Variants in GSDMC observed in about 807,000 individuals in gnomAD.
GSDMC encodes gasdermin C.
GSDMC carries 59 observed loss-of-function variants against 58.0 expected under a neutral mutation model. The ratio of observed to expected loss-of-function variants is 1.02; its 90% CI spans 0.82 to 1.26. The LOEUF is 1.26. Among genes scored for constraint, GSDMC ranks in the 50% most tolerant of loss-of-function variants. The pLI, the probability that GSDMC is intolerant of heterozygous loss-of-function variation, is 0.00. For missense variants in GSDMC, 659 were observed against 598.5 expected, an observed-to-expected ratio of 1.10 and a Z score of -1.06; for synonymous variants, 241 against 220.2, an observed-to-expected ratio of 1.09 and a Z score of -0.83.
At chr8:129,733,981 AT>A in the GSDMC span, among the ~76,000 whole-genome samples, 1 of 152,230 alleles carries the variant, frequency 6.6e-6, no homozygotes, top group African/African-American at 2.4e-5. Flanking sequence ...AACACCTTAA[AT>A]GACCTGATGG....
chr8:129,747,593 G>A (rs909914408), downstream of GSDMC, among the ~76,000 whole-genome samples: 1 of 152,146 alleles, frequency 6.6e-6, no homozygotes, highest in African/African-American at 2.4e-5. Flanking sequence ...ATGACAGGGA[G>A]CATCTAAAGG....
chr8:129,760,211 GGGT>G (rs1197184749), intron 6 of GSDMC, among the ~76,000 whole-genome samples: 3 of 152,144 alleles, frequency 2.0e-5, no homozygotes, highest in African/African-American at 7.2e-5. Flanking sequence ...AGACTGGGAA[GGGT>G]GGTGGGGGGT....
the GSDMC span, among the ~76,000 whole-genome samples, chr8:129,721,515 T>C: frequency 6.6e-6 from 1 of 152,236 alleles, no homozygotes; most frequent in Non-Finnish European, 1.5e-5. Context: ...TGTTAAAGAC[T>C]TGATACTGCT....
rs779208594 is a variant in GSDMC, at chr8:129,760,599, AAAG to A, written c.677-13_677-11del. The A allele has an allele frequency of 5.3e-5, 83 of 1,570,874 alleles. No individual in the cohort carries two copies. In the Middle Eastern group the frequency reaches 6.7e-4, roughly 13 times the overall value. On this transcript the variant is annotated splice_polypyrimidine_tract_variant and intron_variant, in intron 5 of 13. Transcript: ENST00000276708. ...TCTGAGATGAGAATGGCTGAATGGA[AAAG>A]AAGAACTTCCATTAGGAGAGTTGAG...
chr8:129,770,090 A>G (rs1443372636), intron 3 of GSDMC, among the ~76,000 whole-genome samples: 1 of 152,244 alleles, frequency 6.6e-6, no homozygotes, highest in African/African-American at 2.4e-5. Flanking sequence ...ATAATTTCTT[A>G]TTAGATATAC....
At chr8:129,770,981 C>T in intron 3 of GSDMC, among the ~76,000 whole-genome samples, 1 of 150,662 alleles carries the variant, frequency 6.6e-6, no homozygotes, top group East Asian at 1.9e-4. Context: ...ACAAGGGTGG[C>T]CATACTTACA....
intron 1 of GSDMC, among the ~76,000 whole-genome samples, chr8:129,780,388 G>C (rs1428565503): frequency 6.6e-6 from 1 of 152,016 alleles, no homozygotes; most frequent in Non-Finnish European, 1.5e-5. Flanking sequence ...GAATCCTAAA[G>C]TGGCAAAAGA....
chr8:129,738,333 A>T, the GSDMC span, among the ~76,000 whole-genome samples: 1 of 152,232 alleles, frequency 6.6e-6, no homozygotes, highest in African/African-American at 2.4e-5. Flanking sequence ...ATTATAAATC[A>T]TGCTATAAAG....
At chr8:129,740,090 A>T in the GSDMC span, among the ~76,000 whole-genome samples, 6 of 152,206 alleles carry the variant, frequency 3.9e-5, no homozygotes, top group African/African-American at 1.4e-4. Flanking sequence ...CATAGAAAAA[A>T]GCTTATAGAA....
chr8:129,756,792 T>A (rs191560205), intron 6 of GSDMC, among the ~76,000 whole-genome samples: 1 of 152,086 alleles, frequency 6.6e-6, no homozygotes, highest in East Asian at 1.9e-4. Flanking sequence ...TTAAACAATA[T>A]GCTCCTGAAT....
Position 129,748,700 on chromosome 8 carries a change from C to T in GSDMC, c.1328G>A (p.Ser443Asn), listed in dbSNP as rs200964859. The change falls in exon 14 of 14, where the codon AGC (serine) becomes AAC (asparagine). Residue 443 changes from serine to asparagine, a missense_variant. Physicochemically the swap from Ser to Asn is conservative, Grantham distance 46. Transcript: ENST00000276708. ...CTCAGGTTTGAGGGTGAAGGGAATG[C>T]TCCAGGGGTATCTGAAGTTTGGCTC... The part of the protein sequence containing the change: ...ILEPNFRYPW[S>N]IPFTLKPELL... The T allele has an allele frequency of 2.6e-6, 4 of 1,563,438 alleles. No individual in the cohort carries two copies. In the Admixed American group the frequency reaches 7.8e-5, roughly 31 times the overall value.
At chr8:129,709,530 A>T in the GSDMC span, among the ~76,000 whole-genome samples, 1 of 140,064 alleles carries the variant, frequency 7.1e-6, no homozygotes, top group Non-Finnish European at 1.5e-5. Flanking sequence ...ATAGGCAGAT[A>T]GTTGATATAG....
intron 10 of GSDMC, among the ~76,000 whole-genome samples, chr8:129,751,080 T>G (rs1282000012): frequency 1.3e-5 from 2 of 152,190 alleles, no homozygotes; most frequent in East Asian, 3.9e-4. Flanking sequence ...AAGACCAGCC[T>G]GGTCAACATA....
chr8:129,751,558 C>G lies in GSDMC; in HGVS notation c.927G>C (p.Glu309Asp), dbSNP rs2033192222. 6.2e-7 allele frequency: 1 copy of G among 1,612,216 alleles called. No individual in the cohort carries two copies. Among genetic ancestry groups the G allele is most frequent in the East Asian group, 2.2e-5 (1 of 44,774 alleles). ...AATACTTACTTTGCCAGAAGGGTTC[C>G]TCTATTCTTCCTAGAAGGAGAATCA... Reference protein sequence around the residue: ...QVHILPVGRIEEPFWQNFKHL... With the variant: ...QVHILPVGRIDEPFWQNFKHL... The change falls in exon 10 of 14, where the codon GAG becomes GAC. Residue 309 changes from glutamate to aspartate, a missense_variant. By Grantham distance (45) the Glu-to-Asp change is conservative. Transcript: ENST00000276708.
chr8:129,749,397 A>C, intron 13 of GSDMC, 55 bp downstream of exon 13: 1 of 1,204,718 alleles, frequency 8.3e-7, no homozygotes, highest in Admixed American at 1.7e-5. Flanking sequence ...CATTCTTCTT[A>C]CCTCTGGTTC....
chr8:129,752,610 A>C, intron 7 of GSDMC, 88 bp downstream of exon 7: 1 of 1,541,498 alleles, frequency 6.5e-7, no homozygotes, highest in East Asian at 2.3e-5. Context: ...TGGTTCATAC[A>C]CCCCACATAA....
At chr8:129,711,234 C>A in the GSDMC span, among the ~76,000 whole-genome samples, 2 of 152,160 alleles carry the variant, frequency 1.3e-5, no homozygotes, top group Non-Finnish European at 2.9e-5. Flanking sequence ...TGCCACCTTA[C>A]AAATGAGAAA....
the GSDMC span, among the ~76,000 whole-genome samples, chr8:129,732,988 A>G: frequency 6.6e-6 from 1 of 152,192 alleles, no homozygotes; most frequent in Non-Finnish European, 1.5e-5. Flanking sequence ...GTCTTAGCAA[A>G]CAGCACACCA....
At chr8:129,751,838 C>G in intron 9 of GSDMC, 24 bp downstream of exon 9, 1 of 1,586,910 alleles carries the variant, frequency 6.3e-7, no homozygotes, top group Non-Finnish European at 8.7e-7. Flanking sequence ...TCCCCACCCC[C>G]ACCTCCAGCA....
Sources: gnomAD v4.1 joint callset for allele counts (sites outside exome capture counted in the v4.1 genomes callset) on GRCh38, gnomAD v4.1.1 for gene constraint, MANE v1.5 for transcripts, NCBI Gene and HGNC (gene_info 2026-07-23, HGNC 2026-07-21) for gene names.